Variants in AGBL1 observed in about 807,000 individuals in gnomAD.
AGBL1 encodes cytosolic carboxypeptidase 4.
In AGBL1, 130 loss-of-function variants were observed where a neutral mutation model predicts 118.9. That is an observed-to-expected ratio of 1.09 (90% CI 0.95 to 1.26). AGBL1 has a LOEUF of 1.26. Ranked by LOEUF, AGBL1 falls within the 50% of genes most tolerant of loss-of-function variation. AGBL1 has a pLI of 0.00. For synonymous variants in AGBL1, 555 were observed against 478.9 expected, an observed-to-expected ratio of 1.16 and a Z score of -2.08; for missense variants, 1,584 against 1,298.1, an observed-to-expected ratio of 1.22 and a Z score of -3.38.
At chr15:86,535,558 G>A (rs2083414053) in intron 19 of AGBL1, among the ~76,000 whole-genome samples, 1 of 152,212 alleles carries the variant, frequency 6.6e-6, no homozygotes, top group African/African-American at 2.4e-5. Flanking sequence ...TTTTGGTAAA[G>A]GGATTTCAGT....
chr15:86,158,052 A>G (rs1015790558), intron 4 of AGBL1, among the ~76,000 whole-genome samples: 3 of 152,176 alleles, frequency 2.0e-5, no homozygotes, highest in Non-Finnish European at 1.5e-5. Context: ...GTAAGAGCTG[A>G]ATGAGTAGCC....
chr15:86,678,113 A>G (rs1336017138), intron 22 of AGBL1, among the ~76,000 whole-genome samples: 1 of 152,188 alleles, frequency 6.6e-6, no homozygotes, highest in African/African-American at 2.4e-5. Context: ...TCACCCCACA[A>G]AGTTATTTTT....
intron 22 of AGBL1, among the ~76,000 whole-genome samples, chr15:86,824,940 C>G (rs1567192686): frequency 6.6e-6 from 1 of 151,878 alleles, no homozygotes; most frequent in Non-Finnish European, 1.5e-5. Context: ...ACCTGTAATC[C>G]CAGCTACTTG....
At chr15:86,794,137 A>G (rs576387836) in intron 22 of AGBL1, among the ~76,000 whole-genome samples, 1 of 152,356 alleles carries the variant, frequency 6.6e-6, no homozygotes, top group East Asian at 1.9e-4. Flanking sequence ...GTTCAAACAA[A>G]ACTTGTACAG....
At chr15:86,219,678 C>G (rs924893717) in intron 5 of AGBL1, among the ~76,000 whole-genome samples, 1 of 152,098 alleles carries the variant, frequency 6.6e-6, no homozygotes, top group African/African-American at 2.4e-5. Flanking sequence ...TTAAGCTGTA[C>G]CACACTGTGC....
intron 17 of AGBL1, among the ~76,000 whole-genome samples, chr15:86,346,966 C>T (rs1055752423): frequency 3.3e-5 from 5 of 152,140 alleles, no homozygotes; most frequent in South Asian, 2.1e-4. Flanking sequence ...TCTGATGCTT[C>T]GTTTACACAA....
intron 17 of AGBL1, among the ~76,000 whole-genome samples, chr15:86,379,605 C>T (rs1377568692): frequency 1.3e-5 from 2 of 152,166 alleles, no homozygotes; most frequent in Non-Finnish European, 2.9e-5. Context: ...CATGCATTAT[C>T]ATATTTAATT....
chr15:86,162,859 C>T (rs2077286433), intron 5 of AGBL1, among the ~76,000 whole-genome samples: 1 of 152,194 alleles, frequency 6.6e-6, no homozygotes, highest in African/African-American at 2.4e-5. Context: ...GAATGCCATG[C>T]TGCCTTGTGC....
intron 21 of AGBL1, among the ~76,000 whole-genome samples, chr15:86,569,495 G>A (rs190641597): frequency 2.0e-5 from 3 of 151,724 alleles, no homozygotes; most frequent in Non-Finnish European, 4.4e-5. Flanking sequence ...TTGACACTCT[G>A]TCATTCCTTA....
chr15:86,672,491 G>GT (rs762725466), intron 21 of AGBL1, among the ~76,000 whole-genome samples: 2 of 152,174 alleles, frequency 1.3e-5, no homozygotes, highest in Non-Finnish European at 2.9e-5. Flanking sequence ...GGTTGCAAAT[G>GT]TGTATGCGAG....
At chr15:86,770,600 T>C (rs944192066) in intron 22 of AGBL1, among the ~76,000 whole-genome samples, 3 of 152,054 alleles carry the variant, frequency 2.0e-5, no homozygotes, top group Admixed American at 1.3e-4. Context: ...CACCGAAGGA[T>C]GGCAGAGTTG....
chr15:86,448,389 C>T (rs1423097911), intron 18 of AGBL1, among the ~76,000 whole-genome samples: 1 of 152,172 alleles, frequency 6.6e-6, no homozygotes, highest in Non-Finnish European at 1.5e-5. Flanking sequence ...GGCATCCCTA[C>T]TCATGAGTTA....
intron 10 of AGBL1, among the ~76,000 whole-genome samples, chr15:86,263,298 G>A (rs538755485): frequency 6.6e-6 from 1 of 152,254 alleles, no homozygotes; most frequent in South Asian, 2.1e-4. Context: ...ACTTTAACAT[G>A]CTGTACAGGT....
chr15:86,850,111 G>T (rs1007441462), intron 22 of AGBL1, among the ~76,000 whole-genome samples: 3 of 152,148 alleles, frequency 2.0e-5, no homozygotes, highest in Admixed American at 6.5e-5. Context: ...CAATGGAAAT[G>T]ATAAGAGAAC....
chr15:86,364,681 A>G (rs1033076978), intron 17 of AGBL1, among the ~76,000 whole-genome samples: 5 of 152,164 alleles, frequency 3.3e-5, no homozygotes, highest in Non-Finnish European at 7.4e-5. Context: ...TCTTATAACA[A>G]TGTGTGCCCT....
At chr15:86,900,890 A>C (rs2080203365) in intron 22 of AGBL1, among the ~76,000 whole-genome samples, 1 of 152,188 alleles carries the variant, frequency 6.6e-6, no homozygotes, top group Non-Finnish European at 1.5e-5. Flanking sequence ...CTCTAATGCA[A>C]CACTTAACAA....
intron 16 of AGBL1, among the ~76,000 whole-genome samples, chr15:86,281,864 C>T (rs1482311939): frequency 1.3e-5 from 2 of 152,130 alleles, no homozygotes; most frequent in Admixed American, 6.5e-5. Flanking sequence ...TGTGATGATA[C>T]AGACATCTCT....
chr15:86,177,558 C>T (rs1029884878), intron 5 of AGBL1, among the ~76,000 whole-genome samples: 4 of 152,154 alleles, frequency 2.6e-5, no homozygotes, highest in African/African-American at 9.7e-5. Context: ...TAAAGCCAGT[C>T]ACAATGAATT....
intron 5 of AGBL1, among the ~76,000 whole-genome samples, chr15:86,179,343 C>T (rs929888870): frequency 1.3e-5 from 2 of 152,018 alleles, no homozygotes; most frequent in Non-Finnish European, 2.9e-5. Context: ...AAATTGTTAT[C>T]GACAATATAT....
Sources: gnomAD v4.1 joint callset for allele counts (sites outside exome capture counted in the v4.1 genomes callset) on GRCh38, gnomAD v4.1.1 for gene constraint, MANE v1.5 for transcripts, NCBI Gene and HGNC (gene_info 2026-07-23, HGNC 2026-07-21) for gene names.